Variants in NUPR1 observed in about 807,000 individuals in gnomAD.
The protein encoded by NUPR1 is nuclear protein 1, transcriptional regulator, also known as nuclear protein 1.
Under a neutral mutation model 7.3 loss-of-function variants are expected in NUPR1, and 8 were observed. The ratio of observed to expected loss-of-function variants is 1.09; its 90% CI spans 0.64 to 1.97. The LOEUF is 1.97. Ranked by LOEUF, NUPR1 falls within the 30% of genes most tolerant of loss-of-function variation. The probability of loss-of-function intolerance (pLI) is 0.00; values close to 1 mark genes in which losing one functional copy is unlikely to be tolerated. For synonymous variants in NUPR1, 39 were observed against 44.5 expected, an observed-to-expected ratio of 0.88 and a Z score of 0.49; for missense variants, 96 against 111.7, an observed-to-expected ratio of 0.86 and a Z score of 0.63.
rs909795800 is a variant in NUPR1 at position 28,532,932 on chromosome 16, C to T, written c.*4751G>A. The T allele has an allele frequency of 1.3e-5, 2 of 152,106 alleles. No homozygotes were observed. The highest frequency in any genetic ancestry group is 1.9e-4 in the East Asian group (1 of 5,200). The allele number at this position is 152,106 out of a possible 1,614,324, so 9.4% of individuals were successfully genotyped here. ...TTAATAGTATGTCCTATTGGGTTAT[C>T]GTAAGGATTAAATGGAGCAAAGCCT... On this transcript the variant is annotated 3_prime_UTR_variant, in exon 3 of 3. Coordinates refer to ENST00000324873, the MANE Select transcript of NUPR1 (RefSeq NM_012385.3).
At chr16:28,537,746 T>C in intron 2 of NUPR1, 77 bp from the exon 3 acceptor site, 1 of 411,986 alleles carries the variant, frequency 2.4e-6, no homozygotes, top group Non-Finnish European at 4.4e-6. Flanking sequence ...CTCACTTGAT[T>C]TGTGACTCCA....
In NUPR1 at chr16:28,535,620, C is replaced by CTTT. The variant is rs1555472554; in HGVS notation, c.*2062_*2063insAAA. The CTTT allele has an allele frequency of 2.6e-5, 1 of 38,406 alleles. No homozygotes were observed. Among genetic ancestry groups the CTTT allele is most frequent in the Non-Finnish European group, 5.8e-5 (1 of 17,380 alleles). 2.4% of individuals were successfully genotyped at this position (38,406 alleles called of 1,614,324 possible). The stretch of plus-strand genomic sequence containing the variant: ...TCTTTCTTTCTTTCTTTCTTTCTTT[C>CTTT]TTCTCTTTCTCTCTCTTTCTTCTTT... On this transcript the variant is annotated 3_prime_UTR_variant, in exon 3 of 3. Coordinates refer to ENST00000324873, the MANE Select transcript of NUPR1 (RefSeq NM_012385.3).
rs551404759 is a variant in NUPR1, at chr16:28,537,005, A to G, written c.*678T>C. The G allele has an allele frequency of 3.9e-5, 6 of 152,306 alleles. No homozygotes were observed. Among genetic ancestry groups the G allele is most frequent in the African/African-American group, 1.2e-4 (5 of 41,554 alleles). 9.4% of individuals were successfully genotyped at this position (152,306 alleles called of 1,614,324 possible). A position where few individuals can be genotyped will look rare whatever the true frequency, so the allele number is the denominator to read the frequency against. On this transcript the variant is annotated 3_prime_UTR_variant, in exon 3 of 3. Coordinates refer to ENST00000324873, the MANE Select transcript of NUPR1 (RefSeq NM_012385.3). ...AATCTCAGTTTTCTCTGACTTTTAG[A>G]TGGCACTCATAAGTAGCGTTCCCGT...
Position 28,535,573 on chromosome 16 carries a change from T to TTCCTTCCTTCCTTCCTTCCTTCC in NUPR1, c.*2109_*2110insGGAAGGAAGGAAGGAAGGAAGGA, listed in dbSNP as rs1567277474. 7.1e-5 allele frequency: 1 copy of TTCCTTCCTTCCTTCCTTCCTTCC among 14,040 alleles called. No homozygotes were observed. The highest frequency in any genetic ancestry group is 3.0e-4 in the African/African-American group (1 of 3,332). The allele number at this position is 14,040 out of a possible 1,614,324, so 0.9% of individuals were successfully genotyped here. A position where few individuals can be genotyped will look rare whatever the true frequency, so the allele number is the denominator to read the frequency against. ...TTTCTTTCTTTCTTTCCTTCCTTCC[T>TTCCTTCCTTCCTTCCTTCCTTCC]TTCTTTCTTTCTTTCTTTCTTTCTT... On this transcript the variant is annotated 3_prime_UTR_variant, in exon 3 of 3. Coordinates refer to ENST00000324873, the MANE Select transcript of NUPR1 (RefSeq NM_012385.3).
chr16:28,537,672 G>T lies in NUPR1; in HGVS notation c.*14-3C>A, dbSNP rs181396085. 292 of 254,974 alleles carry T rather than the reference G, an allele frequency of 1.1e-3. 1 individual carries two copies. The highest frequency in any genetic ancestry group is 6.4e-4 in the Non-Finnish European group (83 of 129,106). 15.8% of individuals were successfully genotyped at this position (254,974 alleles called of 1,614,324 possible). On this transcript the variant is annotated splice_region_variant and splice_polypyrimidine_tract_variant and intron_variant, in intron 2 of 2. Coordinates refer to ENST00000324873, the MANE Select transcript of NUPR1 (RefSeq NM_012385.3). The stretch of plus-strand genomic sequence containing the variant: ...TAGTGTCCATGGTCTGGCCTCATCT[G>T]GGGGGTGAGGAAAAGCAGGTGGTAA...
In NUPR1 at chr16:28,538,676, T is replaced by C. The variant is rs377191530; in HGVS notation, c.112+120A>G. 1.9e-5 allele frequency: 16 copies of C among 848,416 alleles called. No individual in the cohort carries two copies. In the African/African-American group the frequency reaches 2.6e-4, roughly 14 times the overall value. The allele number at this position is 848,416 out of a possible 1,614,324, so 52.6% of individuals were successfully genotyped here. ...CAGCCTGGGTGACAGAGTGACTCTC[T>C]CAAAAAAAAAGAAAGAAAGAAACGA... is the stretch of plus-strand genomic sequence containing the variant. On this transcript the variant is annotated intron_variant, in intron 1 of 2. Coordinates refer to ENST00000324873, the MANE Select transcript of NUPR1 (RefSeq NM_012385.3).
In NUPR1 at chr16:28,535,035, G is replaced by C. The variant is rs2046601608; in HGVS notation, c.*2648C>G. On this transcript the variant is annotated 3_prime_UTR_variant, in exon 3 of 3. Coordinates refer to ENST00000324873, the MANE Select transcript of NUPR1 (RefSeq NM_012385.3). Reference sequence around the variant, plus strand: ...GTATCTCAATCAACAAATAATCTCAGCTCCAACCACACTTCCTGTTTGCCC... The same window carrying C: ...GTATCTCAATCAACAAATAATCTCACCTCCAACCACACTTCCTGTTTGCCC... The C allele has an allele frequency of 6.6e-6, 1 of 152,156 alleles. No individual in the cohort carries two copies. Among genetic ancestry groups the C allele is most frequent in the African/African-American group, 2.4e-5 (1 of 41,418 alleles). 9.4% of individuals were successfully genotyped at this position (152,156 alleles called of 1,614,324 possible). A position where few individuals can be genotyped will look rare whatever the true frequency, so the allele number is the denominator to read the frequency against.
In NUPR1 at chr16:28,538,644, T is replaced by C. The variant is rs772004398; in HGVS notation, c.112+152A>G. ...GTTTGAGTTGTTGTGATCACACTAC[T>C]GCACTCCAGCCTGGGTGACAGAGTG... On this transcript the variant is annotated intron_variant, in intron 1 of 2. Coordinates refer to ENST00000324873, the MANE Select transcript of NUPR1 (RefSeq NM_012385.3). The C allele has an allele frequency of 1.5e-5, 11 of 728,006 alleles. No homozygotes were observed. In the East Asian group the frequency reaches 2.5e-4, roughly 16 times the overall value. The allele number at this position is 728,006 out of a possible 1,614,324, so 45.1% of individuals were successfully genotyped here.
In NUPR1 at chr16:28,533,340, G is replaced by T; in HGVS notation, c.*4343C>A. 6.6e-6 allele frequency: 1 copy of T among 152,368 alleles called. No individual in the cohort carries two copies. The allele number at this position is 152,368 out of a possible 1,614,324, so 9.4% of individuals were successfully genotyped here. ...TCCCAGAGGAGGGTCGGCCTGGGGT[G>T]GAGGTCAGGAGATGGGTGGAGGATT... On this transcript the variant is annotated 3_prime_UTR_variant, in exon 3 of 3. Coordinates refer to ENST00000324873, the MANE Select transcript of NUPR1 (RefSeq NM_012385.3).
At chr16:28,538,740 G>T in intron 1 of NUPR1, 56 bp downstream of exon 1, 1 of 1,270,136 alleles carries the variant, frequency 7.9e-7, no homozygotes, top group Non-Finnish European at 1.1e-6. Flanking sequence ...CAAGAGGGGT[G>T]GGTCCTGATT....
At chr16:28,538,225 C>T (rs1007870502) in intron 1 of NUPR1, 70 bp from the exon 2 acceptor site, 3 of 1,608,844 alleles carry the variant, frequency 1.9e-6, no homozygotes, top group Non-Finnish European at 2.6e-6. Flanking sequence ...AGAGGAGAGG[C>T]AGGGGTTCAG....
intron 1 of NUPR1, chr16:28,538,577 G>T (rs1410058955): frequency 1.5e-6 from 1 of 663,910 alleles, no homozygotes; most frequent in Non-Finnish European, 2.8e-6. Context: ...GGCTGAAGCA[G>T]GAGGATCACT....
In NUPR1 at chr16:28,534,654, A is replaced by AATG. The variant is rs2046599649; in HGVS notation, c.*3026_*3028dup. ...TGGCTACCACGTGGCTAAGCAGCTC[A>AATG]ATGCTACATTTCCCAACCTCTCTCG... is the stretch of plus-strand genomic sequence containing the variant. On this transcript the variant is annotated 3_prime_UTR_variant, in exon 3 of 3. Coordinates refer to ENST00000324873, the MANE Select transcript of NUPR1 (RefSeq NM_012385.3). The AATG allele has an allele frequency of 6.6e-6, 1 of 152,208 alleles. No homozygotes were observed. Among genetic ancestry groups the AATG allele is most frequent in the Non-Finnish European group, 1.5e-5 (1 of 68,048 alleles). 9.4% of individuals were successfully genotyped at this position (152,208 alleles called of 1,614,324 possible).
Position 28,534,118 on chromosome 16 carries a change from G to A in NUPR1, c.*3565C>T, listed in dbSNP as rs2046597019. On this transcript the variant is annotated 3_prime_UTR_variant, in exon 3 of 3. Coordinates refer to ENST00000324873, the MANE Select transcript of NUPR1 (RefSeq NM_012385.3). ...ACTGCACTCCAGCCTGGGCGACAGA[G>A]AGAGACTCCATCTCCCAAAACAAAA... is the stretch of plus-strand genomic sequence containing the variant. The A allele has an allele frequency of 6.6e-6, 1 of 152,172 alleles. No homozygotes were observed. The highest frequency in any genetic ancestry group is 2.1e-4 in the South Asian group (1 of 4,834). 9.4% of individuals were successfully genotyped at this position (152,172 alleles called of 1,614,324 possible). A position where few individuals can be genotyped will look rare whatever the true frequency, so the allele number is the denominator to read the frequency against.
chr16:28,535,591 T>TCTTTCTTCCTTCCTTC lies in NUPR1; in HGVS notation c.*2091_*2092insGAAGGAAGGAAGAAAG, dbSNP rs2046613867. 1 of 48,342 alleles carries TCTTTCTTCCTTCCTTC rather than the reference T, an allele frequency of 2.1e-5. No homozygotes were observed. The highest frequency in any genetic ancestry group is 9.7e-5 in the African/African-American group (1 of 10,330). 3.0% of individuals were successfully genotyped at this position (48,342 alleles called of 1,614,324 possible). On this transcript the variant is annotated 3_prime_UTR_variant, in exon 3 of 3. Transcript: ENST00000324873. Reference sequence around the variant, plus strand: ...TCCTTCCTTTCTTTCTTTCTTTCTTTCTTTCTTTCTTTCTTTCTTTCTTTC... The same window carrying TCTTTCTTCCTTCCTTC: ...TCCTTCCTTTCTTTCTTTCTTTCTTTCTTTCTTCCTTCCTTCCTTTCTTTCTTTCTTTCTTTCTTTC...
chr16:28,537,952 G>A, intron 2 of NUPR1, 54 bp downstream of exon 2: 1 of 1,469,042 alleles, frequency 6.8e-7, no homozygotes, highest in Non-Finnish European at 9.3e-7. Flanking sequence ...CTTCCGGCCT[G>A]TCCTTCATGG....
chr16:28,536,022 C>T lies in NUPR1; in HGVS notation c.*1661G>A, dbSNP rs1287259151. On this transcript the variant is annotated 3_prime_UTR_variant, in exon 3 of 3. Transcript: ENST00000324873. Reference sequence around the variant, plus strand: ...ATCATTTGAGGCCAGGAGTTTGAGACCAGCCTGGCCAACATGATGAAACCC... The same window carrying T: ...ATCATTTGAGGCCAGGAGTTTGAGATCAGCCTGGCCAACATGATGAAACCC... 1 of 152,032 alleles carries T rather than the reference C, an allele frequency of 6.6e-6. No individual in the cohort carries two copies. Among genetic ancestry groups the T allele is most frequent in the Admixed American group, 6.6e-5 (1 of 15,260 alleles). 9.4% of individuals were successfully genotyped at this position (152,032 alleles called of 1,614,324 possible).
chr16:28,535,571 C>CCTTCTTTCTTTCCTTCCTTTCTTT lies in NUPR1; in HGVS notation c.*2111_*2112insAAAGAAAGGAAGGAAAGAAAGAAG, dbSNP rs71140975. On this transcript the variant is annotated 3_prime_UTR_variant, in exon 3 of 3. Coordinates refer to ENST00000324873, the MANE Select transcript of NUPR1 (RefSeq NM_012385.3). ...TCTTTCTTTCTTTCTTTCCTTCCTT[C>CCTTCTTTCTTTCCTTCCTTTCTTT]CTTTCTTTCTTTCTTTCTTTCTTTC... is the stretch of plus-strand genomic sequence containing the variant. The CCTTCTTTCTTTCCTTCCTTTCTTT allele has an allele frequency of 1.4e-5, 1 of 71,886 alleles. No individual in the cohort carries two copies. Among genetic ancestry groups the CCTTCTTTCTTTCCTTCCTTTCTTT allele is most frequent in the African/African-American group, 5.9e-5 (1 of 16,862 alleles). 4.5% of individuals were successfully genotyped at this position (71,886 alleles called of 1,614,324 possible).
intron 1 of NUPR1, chr16:28,538,535 T>G (rs1351580012): frequency 1.6e-6 from 1 of 610,116 alleles, no homozygotes; most frequent in Non-Finnish European, 3.0e-6. Context: ...CCACTGCAGG[T>G]GGTGTACACC....
Sources: allele counts gnomAD v4.1 joint callset, GRCh38; gene constraint gnomAD v4.1.1; transcripts MANE v1.5; gene names NCBI Gene and HGNC (gene_info 2026-07-23, HGNC 2026-07-21).